Variants in ATG7 observed in about 807,000 individuals in gnomAD.
ATG7 encodes autophagy related 7, also known as ubiquitin-like modifier-activating enzyme ATG7.
Under a neutral mutation model 82.4 loss-of-function variants are expected in ATG7, and 70 were observed. That is an observed-to-expected ratio of 0.85 (90% CI 0.70 to 1.04). ATG7 has a LOEUF of 1.04. ATG7 is among the 50% of genes least tolerant of loss of function. ATG7 has a pLI of 0.00. For synonymous variants in ATG7, 287 were observed against 313.0 expected, an observed-to-expected ratio of 0.92 and a Z score of 0.88; for missense variants, 792 against 864.3, an observed-to-expected ratio of 0.92 and a Z score of 1.05.
At chr3:11,535,387 T>C (rs946053679) in intron 20 of ATG7, among the ~76,000 whole-genome samples, 10 of 152,206 alleles carry the variant, frequency 6.6e-5, no homozygotes. Flanking sequence ...CCCAAGTCCC[T>C]GTGGAGGAAC....
At chr3:11,304,464 AACAT>A (rs1947378466) in intron 5 of ATG7, 3 of 3,868 alleles carry the variant, frequency 7.8e-4, no homozygotes, top group African/African-American at 2.9e-3. Flanking sequence ...CATGACCCCC[AACAT>A]GACCCCCAAC....
At chr3:11,532,355 G>A (rs150054447) in intron 20 of ATG7, among the ~76,000 whole-genome samples, 13 of 152,298 alleles carry the variant, frequency 8.5e-5, no homozygotes, top group Admixed American at 3.3e-4. Flanking sequence ...AGGAGGAAAC[G>A]GAGGAGGACA....
intron 18 of ATG7, among the ~76,000 whole-genome samples, chr3:11,376,381 A>T (rs1439281972): frequency 6.6e-6 from 1 of 152,234 alleles, no homozygotes; most frequent in Non-Finnish European, 1.5e-5. Flanking sequence ...ACTATTCCTC[A>T]AGGTATTTTG....
At chr3:11,558,786 T>C (rs1407550217), downstream of ATG7, 3 of 1,613,780 alleles carry the variant, frequency 1.9e-6, no homozygotes, top group Non-Finnish European at 2.5e-6. Flanking sequence ...CCCAGGCTCC[T>C]GCGGAAATGC....
intron 20 of ATG7, among the ~76,000 whole-genome samples, chr3:11,522,711 A>G (rs2092473348): frequency 6.6e-6 from 1 of 152,234 alleles, no homozygotes; most frequent in Non-Finnish European, 1.5e-5. Context: ...GTAATTTCAT[A>G]TGACTGTGAA....
intron 9 of ATG7, among the ~76,000 whole-genome samples, chr3:11,328,946 A>G (rs892263177): frequency 6.6e-6 from 1 of 152,130 alleles, no homozygotes; most frequent in Non-Finnish European, 1.5e-5. Flanking sequence ...AAAAATTAGC[A>G]GGGCGTGGTA....
rs186502027 is a variant in ATG7, at chr3:11,358,912, C to T, written c.1479+300C>T. On this transcript the variant is annotated intron_variant, in intron 15 of 20. Transcript: ENST00000693202. ...GACAGAGACTTGGTCTTATTCACCA[C>T]TACTTGGTCAATGACAACTTCAAGG... Among the ~76,000 whole-genome samples, 20 of 152,326 alleles carry T rather than the reference C, an allele frequency of 1.3e-4. No individual in the cohort carries two copies. The East Asian group carries it at 3.5e-3, about 26-fold the overall frequency.
At chr3:11,298,996 C>A in intron 4 of ATG7, 141 bp downstream of exon 4, 1 of 908,166 alleles carries the variant, frequency 1.1e-6, no homozygotes, top group Non-Finnish European at 1.6e-6. Context: ...TACTTCCTGA[C>A]TTTTTGATCC....
intron 20 of ATG7, among the ~76,000 whole-genome samples, chr3:11,474,239 C>G (rs571283118): frequency 6.6e-6 from 1 of 152,208 alleles, no homozygotes; most frequent in African/African-American, 2.4e-5. Context: ...TTTCATGGAG[C>G]CTACTTTTCT....
At chr3:11,409,192 T>A (rs1022491940) in intron 19 of ATG7, among the ~76,000 whole-genome samples, 1 of 152,248 alleles carries the variant, frequency 6.6e-6, no homozygotes. Context: ...CCTTGACTTA[T>A]AATAGTTTGA....
Position 11,543,846 on chromosome 3 carries a change from G to T in ATG7, c.2080-10965G>T, listed in dbSNP as rs537988269. Among the ~76,000 whole-genome samples, 108 of 152,352 alleles carry T rather than the reference G, an allele frequency of 7.1e-4. 1 individual carries two copies. The highest frequency in any genetic ancestry group is 3.4e-3 in the Middle Eastern group (1 of 294). On this transcript the variant is annotated intron_variant, in intron 20 of 20. Transcript: ENST00000693202. ...GAACCGCGGACCTCTGGGGACGGGA[G>T]GGGGAGGACCCATTTCATCTCTGCT...
chr3:11,358,360 T>G, intron 14 of ATG7, 58 bp from the exon 15 acceptor site: 11 of 1,524,148 alleles, frequency 7.2e-6, no homozygotes, highest in Non-Finnish European at 9.8e-6. Flanking sequence ...AAGTGTGGGC[T>G]CTGAGATATT....
intron 20 of ATG7, among the ~76,000 whole-genome samples, chr3:11,494,673 C>T (rs552857475): frequency 1.3e-5 from 2 of 152,276 alleles, no homozygotes; most frequent in East Asian, 3.9e-4. Flanking sequence ...CTTGATGGAA[C>T]ACAGATATGG....
intron 9 of ATG7, among the ~76,000 whole-genome samples, chr3:11,323,560 T>G (rs543937468): frequency 2.0e-5 from 3 of 152,364 alleles, no homozygotes; most frequent in African/African-American, 7.2e-5. Context: ...AAATAGCTCA[T>G]AACATTGTCC....
intron 9 of ATG7, among the ~76,000 whole-genome samples, chr3:11,324,070 C>G (rs1231560449): frequency 2.0e-5 from 3 of 152,176 alleles, no homozygotes; most frequent in African/African-American, 7.2e-5. Context: ...ATTGTATGCT[C>G]TCAGCCAAGT....
Position 11,505,214 on chromosome 3 carries a change from T to C in ATG7, c.2080-49597T>C, listed in dbSNP as rs982331265. ...CGTTTTAAAAAGAACAAAAGTGCTATGAGAATGGGCAGACTGGGTTTTTAA... is the reference window on the plus strand; with the variant it reads ...CGTTTTAAAAAGAACAAAAGTGCTACGAGAATGGGCAGACTGGGTTTTTAA... On this transcript the variant is annotated intron_variant, in intron 20 of 20. Transcript: ENST00000693202. Among the ~76,000 whole-genome samples the C allele has an allele frequency of 4.6e-5, 7 of 152,320 alleles. No homozygotes were observed. The East Asian group carries it at 1.2e-3, about 25-fold the overall frequency.
chr3:11,461,974 T>G (rs1044444309), intron 20 of ATG7, among the ~76,000 whole-genome samples: 1 of 151,656 alleles, frequency 6.6e-6, no homozygotes, highest in African/African-American at 2.4e-5. Context: ...GAGCTTGCAG[T>G]GAGCCGAGAT....
chr3:11,345,333 C>T (rs1284945512), intron 13 of ATG7, among the ~76,000 whole-genome samples: 1 of 152,170 alleles, frequency 6.6e-6, no homozygotes, highest in Non-Finnish European at 1.5e-5. Flanking sequence ...GGCGTGAACC[C>T]AGGAGGTGGA....
At chr3:11,458,866 C>T (rs185451208) in intron 20 of ATG7, among the ~76,000 whole-genome samples, 33 of 152,302 alleles carry the variant, frequency 2.2e-4, no homozygotes, top group African/African-American at 6.3e-4. Flanking sequence ...CGAGCATTAA[C>T]GCCTGTGCTC....
Sources: gnomAD v4.1 joint callset for allele counts (sites outside exome capture counted in the v4.1 genomes callset) on GRCh38, gnomAD v4.1.1 for gene constraint, MANE v1.5 for transcripts, NCBI Gene and HGNC (gene_info 2026-07-23, HGNC 2026-07-21) for gene names.